The following GSK3B variants were observed in gnomAD, a reference collection of about 807,000 sequenced individuals.
GSK3B encodes the protein glycogen synthase kinase 3 beta.
In GSK3B, 15 loss-of-function variants were observed where a neutral mutation model predicts 56.4. The observed-to-expected ratio is 0.27, with a 90% confidence interval of 0.18 to 0.41. The LOEUF is 0.41. Among genes scored for constraint, GSK3B ranks in the 10% least tolerant of loss-of-function variants. The pLI is 1.00. For synonymous variants in GSK3B, 181 were observed against 188.9 expected (o/e 0.96, Z 0.34); for missense variants, 300 against 513.4 (o/e 0.58, Z 4.02).
chr3:119,878,962 T>C (rs937689303), intron 7 of GSK3B, among the ~76,000 whole-genome samples: 8 of 152,216 alleles, frequency 5.3e-5, no homozygotes, highest in Admixed American at 2.6e-4. Flanking sequence ...ATTATGAATG[T>C]TCATTATCTT....
At chr3:119,946,963 G>A (rs1412053083) in intron 3 of GSK3B, among the ~76,000 whole-genome samples, 4 of 151,550 alleles carry the variant, frequency 2.6e-5, no homozygotes, top group East Asian at 1.9e-4. Flanking sequence ...AGAGGGCTGC[G>A]TAAGCACATA....
At chr3:119,833,671 C>T (rs1386482800) in intron 10 of GSK3B, among the ~76,000 whole-genome samples, 1 of 144,000 alleles carries the variant, frequency 6.9e-6, no homozygotes, top group Non-Finnish European at 1.5e-5. Flanking sequence ...TTTATAAGTA[C>T]ACTTGGAAAC....
intron 2 of GSK3B, among the ~76,000 whole-genome samples, chr3:119,953,274 A>G (rs2057175839): frequency 6.9e-6 from 1 of 145,074 alleles, no homozygotes; most frequent in Admixed American, 6.8e-5. Context: ...AGTAACGAAG[A>G]ACGGAAGAAC....
intron 2 of GSK3B, among the ~76,000 whole-genome samples, chr3:119,995,743 T>TA (rs1276001789): frequency 6.8e-6 from 1 of 146,986 alleles, no homozygotes; most frequent in African/African-American, 2.5e-5. Context: ...AATAATTTTT[T>TA]TTTTTTTTTT....
chr3:119,918,609 C>T lies in GSK3B; in HGVS notation c.478-2435G>A, dbSNP rs183336720. Reference sequence around the variant, plus strand: ...AACAGATTTAACATATACTAAGTGCCAAACCAAGAAAAGCATTTCTGCCTA... The same window carrying T: ...AACAGATTTAACATATACTAAGTGCTAAACCAAGAAAAGCATTTCTGCCTA... On this transcript the variant is annotated intron_variant, in intron 4 of 10. Coordinates refer to ENST00000264235, the MANE Select transcript of GSK3B (RefSeq NM_001146156.2). Among the ~76,000 whole-genome samples, 3 of 152,200 alleles carry T rather than the reference C, an allele frequency of 2.0e-5. No individual in the cohort carries two copies. In the East Asian group the frequency reaches 5.8e-4, roughly 29 times the overall value.
chr3:120,024,133 CCAGCCTGGGCAATAT>C (rs1278744409), intron 1 of GSK3B, among the ~76,000 whole-genome samples: 1 of 146,764 alleles, frequency 6.8e-6, no homozygotes, highest in Non-Finnish European at 1.5e-5. Flanking sequence ...GAGTTCAAGA[CCAGCCTGGGCAATAT>C]AGTGAGATAC....
intron 4 of GSK3B, among the ~76,000 whole-genome samples, chr3:119,922,299 AAAG>A (rs1053658884): frequency 1.3e-4 from 19 of 148,710 alleles, no homozygotes; most frequent in African/African-American, 4.4e-4. Context: ...AAATAATAAA[AAAG>A]AACATCCTTA....
intron 1 of GSK3B, among the ~76,000 whole-genome samples, chr3:120,089,366 T>C (rs1458098327): frequency 6.6e-6 from 1 of 152,208 alleles, no homozygotes; most frequent in African/African-American, 2.4e-5. Context: ...AATAAAGTTC[T>C]GGTTTTCAGT....
At chr3:119,978,195 C>G (rs894744463) in intron 2 of GSK3B, among the ~76,000 whole-genome samples, 1 of 152,044 alleles carries the variant, frequency 6.6e-6, no homozygotes, top group Non-Finnish European at 1.5e-5. Flanking sequence ...TGAAACATTC[C>G]AAACTCCTCC....
Position 119,962,431 on chromosome 3 carries a change from A to G in GSK3B, c.283-15080T>C, listed in dbSNP as rs192819586. ...AAAAAAAGCCTATAACTAACACATCATACACAACAGTGAAAAACAGAAAAC... is the reference window on the plus strand; with the variant it reads ...AAAAAAAGCCTATAACTAACACATCGTACACAACAGTGAAAAACAGAAAAC... On this transcript the variant is annotated intron_variant, in intron 2 of 10. Coordinates refer to ENST00000264235, the MANE Select transcript of GSK3B (RefSeq NM_001146156.2). Among the ~76,000 whole-genome samples the G allele has an allele frequency of 3.4e-4, 52 of 152,060 alleles. 2 individuals are homozygous for G. Among genetic ancestry groups the G allele is most frequent in the Middle Eastern group, 3.4e-3 (1 of 290 alleles).
At chr3:119,922,228 G>GTGAAGGAAGGAA (rs1553733662) in intron 4 of GSK3B, among the ~76,000 whole-genome samples, 1 of 61,490 alleles carries the variant, frequency 1.6e-5, no homozygotes, top group Non-Finnish European at 2.7e-5. Flanking sequence ...GAAGGAAGGA[G>GTGAAGGAAGGAA]GGAAGGAAGG....
intron 1 of GSK3B, among the ~76,000 whole-genome samples, chr3:120,062,891 A>G (rs536942609): frequency 6.6e-6 from 1 of 152,326 alleles, no homozygotes; most frequent in South Asian, 2.1e-4. Flanking sequence ...TATATACCCT[A>G]CTTTCTGGAC....
At chr3:120,023,815 T>C (rs2057900261) in intron 1 of GSK3B, among the ~76,000 whole-genome samples, 1 of 152,154 alleles carries the variant, frequency 6.6e-6, no homozygotes, top group Non-Finnish European at 1.5e-5. Context: ...GCAGCCAATT[T>C]CATTAAGATC....
intron 1 of GSK3B, among the ~76,000 whole-genome samples, chr3:120,088,682 AAATT>A (rs1341977805): frequency 6.6e-6 from 1 of 152,242 alleles, no homozygotes. Flanking sequence ...ACATTCCAAC[AAATT>A]AATTTACTTA....
intron 1 of GSK3B, among the ~76,000 whole-genome samples, chr3:120,062,062 A>G (rs928643984): frequency 1.3e-5 from 2 of 151,856 alleles, no homozygotes; most frequent in African/African-American, 4.8e-5. Flanking sequence ...TTAGCAACAT[A>G]CCTCCTGAAA....
chr3:119,914,623 T>TA (rs1391745453), intron 5 of GSK3B, among the ~76,000 whole-genome samples: 1 of 152,086 alleles, frequency 6.6e-6, no homozygotes, highest in East Asian at 1.9e-4. Flanking sequence ...TTCACCCTTT[T>TA]TAAAAATAGT....
intron 1 of GSK3B, among the ~76,000 whole-genome samples, chr3:120,044,445 T>G (rs116823620): frequency 0.016 from 2,406 of 152,094 alleles, 63 homozygotes; most frequent in African/African-American, 0.055. Flanking sequence ...TCTTGTCCAG[T>G]TGGCTATCCC....
chr3:119,917,553 TC>T (rs2056793593), intron 4 of GSK3B, among the ~76,000 whole-genome samples: 2 of 151,770 alleles, frequency 1.3e-5, no homozygotes, highest in African/African-American at 2.4e-5. Context: ...AAAGATAACC[TC>T]CCATAAGAAA....
At chr3:119,895,645 C>T (rs1364580767) in intron 7 of GSK3B, among the ~76,000 whole-genome samples, 1 of 152,080 alleles carries the variant, frequency 6.6e-6, no homozygotes, top group African/African-American at 2.4e-5. Flanking sequence ...GTTGTCCAAG[C>T]ACCATTTGTC....
Sources: allele counts gnomAD v4.1 joint callset (sites outside exome capture counted in the v4.1 genomes callset), GRCh38; gene constraint gnomAD v4.1.1; transcripts MANE v1.5; gene names NCBI Gene and HGNC (gene_info 2026-07-23, HGNC 2026-07-21).